Variants in CSMD1 observed in about 807,000 individuals in gnomAD.
CSMD1 encodes CUB and Sushi multiple domains 1, also known as CUB and sushi domain-containing protein 1.
A neutral mutation model predicts 417.5 loss-of-function variants in CSMD1; 213 were observed. The ratio of observed to expected loss-of-function variants is 0.51; its 90% CI spans 0.46 to 0.57. The LOEUF is 0.57. Ranked by LOEUF, CSMD1 falls within the 20% of genes least tolerant of loss-of-function variation. CSMD1 has a pLI of 0.00. For synonymous variants in CSMD1, 2,862 were observed against 1,736.8 expected, an observed-to-expected ratio of 1.65 and a Z score of -16.11; for missense variants, 6,923 against 4,529.7, an observed-to-expected ratio of 1.53 and a Z score of -15.17.
At chr8:3,191,265 G>C (rs998742614) in intron 33 of CSMD1, among the ~76,000 whole-genome samples, 1 of 152,044 alleles carries the variant, frequency 6.6e-6, no homozygotes, top group South Asian at 2.1e-4. Context: ...TTATCAGCCT[G>C]GCCAACAGGT....
At chr8:3,705,759 T>C (rs765226257) in intron 7 of CSMD1, among the ~76,000 whole-genome samples, 9 of 152,128 alleles carry the variant, frequency 5.9e-5, no homozygotes, top group Non-Finnish European at 1.2e-4. Context: ...GGATCTAATC[T>C]CTAGAATCTC....
chr8:4,600,514 T>C (rs1170749022), intron 2 of CSMD1, among the ~76,000 whole-genome samples: 1 of 152,212 alleles, frequency 6.6e-6, no homozygotes, highest in Non-Finnish European at 1.5e-5. Context: ...ATACATCTGT[T>C]TTTGTATGAA....
At chr8:4,210,101 G>A (rs574622934) in intron 3 of CSMD1, among the ~76,000 whole-genome samples, 1 of 152,294 alleles carries the variant, frequency 6.6e-6, no homozygotes, top group East Asian at 1.9e-4. Flanking sequence ...TACCAGGAGA[G>A]CTCCTGATCA....
chr8:4,073,827 C>T (rs1463677860), intron 3 of CSMD1, among the ~76,000 whole-genome samples: 1 of 152,006 alleles, frequency 6.6e-6, no homozygotes, highest in Non-Finnish European at 1.5e-5. Flanking sequence ...TTGAAAATTG[C>T]TTTGTTAATA....
chr8:4,625,315 T>A (rs1218084502), intron 2 of CSMD1, among the ~76,000 whole-genome samples: 1 of 152,062 alleles, frequency 6.6e-6, no homozygotes, highest in African/African-American at 2.4e-5. Context: ...GTTGAGGATG[T>A]CTTAAAAAGT....
chr8:3,672,860 C>G (rs976804474), intron 7 of CSMD1, among the ~76,000 whole-genome samples: 2 of 152,206 alleles, frequency 1.3e-5, no homozygotes, highest in Admixed American at 1.3e-4. Flanking sequence ...GCTTCTACTC[C>G]TCCTTCAGGT....
intron 2 of CSMD1, among the ~76,000 whole-genome samples, chr8:4,563,558 A>G (rs927817534): frequency 1.3e-5 from 2 of 152,142 alleles, no homozygotes; most frequent in African/African-American, 4.8e-5. Flanking sequence ...CCTCACTCCA[A>G]CTGTAGTGCT....
chr8:4,978,237 T>C (rs1810675993), intron 1 of CSMD1, among the ~76,000 whole-genome samples: 2 of 152,164 alleles, frequency 1.3e-5, no homozygotes, highest in South Asian at 2.1e-4. Context: ...TTTTAAGATA[T>C]AATTGCAGGT....
At chr8:4,098,860 T>A (rs73173826) in intron 3 of CSMD1, among the ~76,000 whole-genome samples, 14,185 of 152,234 alleles carry the variant, frequency 0.093, 741 homozygotes, top group Middle Eastern at 0.19. Flanking sequence ...GCTCACTCAT[T>A]CATTTATTCC....
At chr8:4,300,851 A>G (rs930504036) in intron 3 of CSMD1, among the ~76,000 whole-genome samples, 2 of 152,202 alleles carry the variant, frequency 1.3e-5, no homozygotes, top group Admixed American at 6.5e-5. Context: ...ATGTCCCTAC[A>G]AAGGACATGA....
chr8:3,371,901 T>C (rs906126395), intron 18 of CSMD1, among the ~76,000 whole-genome samples: 12 of 152,236 alleles, frequency 7.9e-5, no homozygotes, highest in African/African-American at 2.9e-4. Context: ...ACATCCCACT[T>C]GAAATTAATG....
intron 11 of CSMD1, among the ~76,000 whole-genome samples, chr8:3,489,286 C>A (rs768604978): frequency 3.0e-4 from 45 of 152,196 alleles, no homozygotes; most frequent in Non-Finnish European, 5.3e-4. Context: ...TTAATCCACA[C>A]ATCTGGTTAG....
chr8:3,800,693 G>T (rs187577490), intron 5 of CSMD1, among the ~76,000 whole-genome samples: 3 of 152,158 alleles, frequency 2.0e-5, no homozygotes, highest in Admixed American at 2.0e-4. Context: ...GAGTGAGTGA[G>T]TTCTTGTTCT....
chr8:4,581,603 T>C (rs949633597), intron 2 of CSMD1, among the ~76,000 whole-genome samples: 1 of 152,176 alleles, frequency 6.6e-6, no homozygotes. Context: ...TAGAAGAGAC[T>C]ATATTTAGGA....
chr8:3,994,060 G>T (rs745570862), intron 5 of CSMD1, among the ~76,000 whole-genome samples: 1 of 152,194 alleles, frequency 6.6e-6, no homozygotes, highest in South Asian at 2.1e-4. Context: ...TGGACAGCTT[G>T]GGAAGGCACA....
intron 4 of CSMD1, among the ~76,000 whole-genome samples, chr8:4,023,099 T>C (rs1162955351): frequency 6.6e-6 from 1 of 152,182 alleles, no homozygotes; most frequent in Non-Finnish European, 1.5e-5. Flanking sequence ...GAGCTTCAGC[T>C]AATGCAGTGG....
chr8:3,250,136 C>G (rs896944427), intron 26 of CSMD1, among the ~76,000 whole-genome samples: 5 of 152,116 alleles, frequency 3.3e-5, no homozygotes, highest in African/African-American at 1.2e-4. Flanking sequence ...TATACATGTG[C>G]CGTGTTGGTG....
chr8:3,876,103 T>C (rs1382522228), intron 5 of CSMD1, among the ~76,000 whole-genome samples: 1 of 152,170 alleles, frequency 6.6e-6, no homozygotes, highest in Non-Finnish European at 1.5e-5. Flanking sequence ...TTTGTTTTCT[T>C]CCTTTTAAAA....
chr8:3,476,014 A>G lies in CSMD1; in HGVS notation c.1449-7190T>C, dbSNP rs1817392218. Among the ~76,000 whole-genome samples, 2 of 152,332 alleles carry G rather than the reference A, an allele frequency of 1.3e-5. 1 individual carries two copies. Among genetic ancestry groups the G allele is most frequent in the South Asian group, 4.1e-4 (2 of 4,832 alleles). ...AAATCTTCCCTTTGCACCTTGCTAAATGGTTCAATAGTTCTATTCTAATCT... is the reference window on the plus strand; with the variant it reads ...AAATCTTCCCTTTGCACCTTGCTAAGTGGTTCAATAGTTCTATTCTAATCT... On this transcript the variant is annotated intron_variant, in intron 11 of 69. Transcript: ENST00000635120.
Sources: gnomAD v4.1 joint callset for allele counts (sites outside exome capture counted in the v4.1 genomes callset) on GRCh38, gnomAD v4.1.1 for gene constraint, MANE v1.5 for transcripts, NCBI Gene and HGNC (gene_info 2026-07-23, HGNC 2026-07-21) for gene names.